Variants in VPS13B observed in about 807,000 individuals in gnomAD.
The protein encoded by VPS13B is intermembrane lipid transfer protein VPS13B.
A neutral mutation model predicts 426.4 loss-of-function variants in VPS13B; 285 were observed. The observed-to-expected ratio is 0.67, with a 90% CI of 0.61 to 0.74. VPS13B has a LOEUF of 0.74. Among genes scored for constraint, VPS13B ranks in the 30% least tolerant of loss-of-function variants. The pLI, the probability that VPS13B is intolerant of heterozygous loss-of-function variation, is 0.00. For missense variants in VPS13B, 4,537 were observed against 4,782.6 expected, an observed-to-expected ratio of 0.95 and a Z score of 1.51; for synonymous variants, 1,676 against 1,676.4, an observed-to-expected ratio of 1.00 and a Z score of 0.01.
chr8:99,609,177 ATCTT>A (rs1266033442), intron 33 of VPS13B, among the ~76,000 whole-genome samples: 1 of 152,160 alleles, frequency 6.6e-6, no homozygotes, highest in Non-Finnish European at 1.5e-5. Flanking sequence ...CTTAGAATGA[ATCTT>A]TCACCCATGC....
At chr8:99,438,603 T>G (rs949835957) in intron 22 of VPS13B, among the ~76,000 whole-genome samples, 8 of 152,128 alleles carry the variant, frequency 5.3e-5, no homozygotes, top group African/African-American at 1.7e-4. Flanking sequence ...TGAAGATTTA[T>G]AACACTTACT....
intron 14 of VPS13B, among the ~76,000 whole-genome samples, chr8:99,156,267 C>T (rs992435786): frequency 6.6e-6 from 1 of 151,936 alleles, no homozygotes; most frequent in African/African-American, 2.4e-5. Context: ...TGAGGCATGT[C>T]GTGATACTAT....
chr8:99,708,845 C>CTG (rs202053013), intron 36 of VPS13B, among the ~76,000 whole-genome samples: 1 of 146,006 alleles, frequency 6.8e-6, no homozygotes, highest in East Asian at 2.1e-4. Flanking sequence ...CTCTCTCTCT[C>CTG]TCTCTATATA....
chr8:99,741,364 C>A (rs1156999390), intron 39 of VPS13B, among the ~76,000 whole-genome samples: 1 of 152,146 alleles, frequency 6.6e-6, no homozygotes, highest in South Asian at 2.1e-4. Context: ...GATTCCCACA[C>A]AATAGTAATG....
At position 99,817,665 on chromosome 8, in the gene VPS13B, A is replaced by G; in HGVS notation, c.8223A>G (p.Thr2741=). Residue 2741 remains threonine, a synonymous_variant, in exon 45 of 62, where the codon ACA becomes ACG. Coordinates refer to ENST00000357162, the MANE Select transcript of VPS13B (RefSeq NM_152564.5). ...TTCGGGAACATTTTGACTGCCTCAC[A>G]GCCAAACAGAAATTGCCTTCGTACA... The part of the protein sequence containing the change: ...AVVREHFDCL[T]AKQKLPSYIL... The G allele has an allele frequency of 6.2e-7, 1 of 1,614,086 alleles. No individual in the cohort carries two copies. The highest frequency in any genetic ancestry group is 8.5e-7 in the Non-Finnish European group (1 of 1,179,986).
chr8:99,684,525 G>A (rs1831295387), intron 35 of VPS13B, among the ~76,000 whole-genome samples: 1 of 152,160 alleles, frequency 6.6e-6, no homozygotes, highest in Non-Finnish European at 1.5e-5. Context: ...ATTAGTCTAG[G>A]ATAAGGGGGT....
chr8:99,136,817 T>A (rs1697552160), intron 12 of VPS13B, 65 bp downstream of exon 12: 1 of 1,500,504 alleles, frequency 6.7e-7, no homozygotes, highest in Admixed American at 1.7e-5. Context: ...TTCCTCAGAA[T>A]CAATTGGTCC....
At chr8:99,256,352 TATGAACACA>T (rs1817741866) in intron 17 of VPS13B, among the ~76,000 whole-genome samples, 1 of 152,226 alleles carries the variant, frequency 6.6e-6, no homozygotes, top group Admixed American at 6.5e-5. Flanking sequence ...ATAGTGAAAC[TATGAACACA>T]GGTATACAAA....
chr8:99,141,542 G>A (rs936652531), intron 12 of VPS13B, among the ~76,000 whole-genome samples: 1 of 151,984 alleles, frequency 6.6e-6, no homozygotes, highest in South Asian at 2.1e-4. Context: ...GAAAAGTAAT[G>A]GTTTTGATGT....
At chr8:99,312,978 C>A (rs977982958) in intron 19 of VPS13B, among the ~76,000 whole-genome samples, 1 of 152,192 alleles carries the variant, frequency 6.6e-6, no homozygotes, top group African/African-American at 2.4e-5. Flanking sequence ...GAAGGTTGTG[C>A]ATTTGTCACG....
chr8:99,530,846 A>G (rs1356638321), intron 30 of VPS13B, among the ~76,000 whole-genome samples: 3 of 152,166 alleles, frequency 2.0e-5, no homozygotes, highest in South Asian at 2.1e-4. Context: ...GCCACACGTA[A>G]TAAGTGACAG....
intron 3 of VPS13B, among the ~76,000 whole-genome samples, chr8:99,039,567 C>T (rs1184750530): frequency 1.2e-4 from 18 of 150,740 alleles, no homozygotes; most frequent in African/African-American, 2.2e-4. Context: ...TTTTAGCACC[C>T]ACTTAATATT....
At chr8:99,832,675 T>C (rs1173705620) in intron 52 of VPS13B, 23 bp downstream of exon 52, 3 of 1,611,546 alleles carry the variant, frequency 1.9e-6, no homozygotes, top group Non-Finnish European at 2.5e-6. Flanking sequence ...TATATAAATG[T>C]CTGTTCTTCT....
Position 99,511,247 on chromosome 8 carries a change from A to C in VPS13B, c.4368A>C (p.Leu1456=). The change falls in exon 29 of 62, where the codon CTA becomes CTC. Residue 1456 remains leucine, a synonymous_variant. Transcript: ENST00000357162. ...RRSFHKLSEG[L]MDGSPHFLHE... ...GTTTTCATAAGTTATCTGAAGGCCT[A>C]ATGGATGGTTCTCCTCATTTTCTTC... 1 of 1,614,124 alleles carries C rather than the reference A, an allele frequency of 6.2e-7. No individual in the cohort carries two copies. Among genetic ancestry groups the C allele is most frequent in the Non-Finnish European group, 8.5e-7 (1 of 1,180,002 alleles).
chr8:99,033,472 C>T (rs1296018048), intron 2 of VPS13B, among the ~76,000 whole-genome samples: 1 of 152,244 alleles, frequency 6.6e-6, no homozygotes, highest in East Asian at 1.9e-4. Context: ...TGCTGCTGAG[C>T]CCTTCTAGTG....
At chr8:99,314,253 C>T (rs942058790) in intron 19 of VPS13B, among the ~76,000 whole-genome samples, 2 of 152,114 alleles carry the variant, frequency 1.3e-5, no homozygotes, top group African/African-American at 2.4e-5. Context: ...CCGTCTTCTG[C>T]GTCGCTCATG....
intron 31 of VPS13B, among the ~76,000 whole-genome samples, chr8:99,572,109 T>C (rs1165270988): frequency 6.6e-6 from 1 of 152,212 alleles, no homozygotes; most frequent in East Asian, 1.9e-4. Flanking sequence ...AATAAGGGCA[T>C]ATTTAAAAGG....
chr8:99,790,197 G>C (rs1812472390), intron 43 of VPS13B, among the ~76,000 whole-genome samples: 1 of 152,018 alleles, frequency 6.6e-6, no homozygotes, highest in Non-Finnish European at 1.5e-5. Context: ...TTATCTCTCA[G>C]ACTACAGCTC....
intron 28 of VPS13B, among the ~76,000 whole-genome samples, chr8:99,508,309 G>A (rs563541357): frequency 6.6e-6 from 1 of 152,122 alleles, no homozygotes; most frequent in East Asian, 1.9e-4. Context: ...AGTAACTTGT[G>A]TGGTACCTTC....
Sources: allele counts gnomAD v4.1 joint callset (sites outside exome capture counted in the v4.1 genomes callset), GRCh38; gene constraint gnomAD v4.1.1; transcripts MANE v1.5; gene names NCBI Gene and HGNC (gene_info 2026-07-23, HGNC 2026-07-21).